The following ZHX3 variants were observed in gnomAD, a reference collection of about 807,000 sequenced individuals.
ZHX3 encodes zinc fingers and homeoboxes protein 3.
In ZHX3, 20 loss-of-function variants were observed where a neutral mutation model predicts 64.5. The observed-to-expected ratio is 0.31, with a 90% CI of 0.22 to 0.45. The LOEUF (loss-of-function observed/expected upper bound fraction) is 0.45, where lower values mean the gene tolerates loss of function less well. ZHX3 is among the 20% of genes least tolerant of loss of function. The probability of loss-of-function intolerance (pLI) is 1.00; values close to 1 mark genes in which losing one functional copy is unlikely to be tolerated. For missense variants in ZHX3, 1,041 were observed against 1,195.8 expected, an observed-to-expected ratio of 0.87 and a Z score of 1.91; for synonymous variants, 423 against 461.6, an observed-to-expected ratio of 0.92 and a Z score of 1.07.
chr20:41,297,716 T>C (rs2044604989), intron 1 of ZHX3, among the ~76,000 whole-genome samples: 1 of 152,184 alleles, frequency 6.6e-6, no homozygotes, highest in South Asian at 2.1e-4. Flanking sequence ...GGTAAGTAAG[T>C]ATGTAAGGCA....
At chr20:41,251,514 A>G (rs1374111454) in intron 2 of ZHX3, among the ~76,000 whole-genome samples, 1 of 152,230 alleles carries the variant, frequency 6.6e-6, no homozygotes. Context: ...CCAGAGAAAG[A>G]CAAGAAAAGA....
At chr20:41,216,568 T>C (rs369359562) in intron 2 of ZHX3, among the ~76,000 whole-genome samples, 2 of 152,336 alleles carry the variant, frequency 1.3e-5, no homozygotes, top group South Asian at 2.1e-4. Context: ...CTCAGTCTTT[T>C]AAACAACTTC....
intron 1 of ZHX3, among the ~76,000 whole-genome samples, chr20:41,294,962 G>A (rs879698560): frequency 6.6e-6 from 1 of 152,130 alleles, no homozygotes; most frequent in Non-Finnish European, 1.5e-5. Flanking sequence ...CTCCCAAAGC[G>A]CTGGGATTAT....
rs145206295 is a variant in ZHX3, at chr20:41,232,570, T to C, written c.-150-27504A>G. Among the ~76,000 whole-genome samples the C allele has an allele frequency of 1.1e-4, 16 of 152,232 alleles. No homozygotes were observed. Among genetic ancestry groups the C allele is most frequent in the East Asian group, 1.9e-4 (1 of 5,176 alleles). ...GAAACACAGCACCCTCTGGTGTACA[T>C]AGCTGTCTTCTAATCTAGGAAAATT... On this transcript the variant is annotated intron_variant, in intron 2 of 3. Coordinates refer to ENST00000683867, the MANE Select transcript of ZHX3 (RefSeq NM_001384317.1). The surrounding 1 kb of genome is among the most constrained non-coding windows in gnomAD (Gnocchi z 5.0).
chr20:41,202,209 C>G lies in ZHX3; in HGVS notation c.2708G>C (p.Gly903Ala). ...AVADTGSEDQ[G>A]PGTGELTAVH... is the part of the protein sequence containing the mutation. ...TGCTGTGAGCTCACCAGTACCAGGGCCCTGGTCCTCACTGCCTGTGTCTGC... is the reference window on the plus strand; with the variant it reads ...TGCTGTGAGCTCACCAGTACCAGGGGCCTGGTCCTCACTGCCTGTGTCTGC... The change falls in exon 3 of 4, where the codon GGC (glycine) becomes GCC (alanine). Residue 903 changes from glycine (G) to alanine (A), a missense_variant. Transcript: ENST00000683867. This position sits in a 1 kb window ranked among gnomAD's most constrained non-coding sequence, Gnocchi z 7.0. 1 of 1,614,136 alleles carries G rather than the reference C, an allele frequency of 6.2e-7. No homozygotes were observed. The highest frequency in any genetic ancestry group is 2.2e-5 in the East Asian group (1 of 44,866).
In ZHX3 at chr20:41,201,522, C is replaced by A; in HGVS notation, c.2860+535G>T. 2.0e-6 allele frequency: 1 copy of A among 492,166 alleles called. No individual in the cohort carries two copies. 30.5% of individuals were successfully genotyped at this position (492,166 alleles called of 1,614,324 possible). On this transcript the variant is annotated intron_variant, in intron 3 of 3. Coordinates refer to ENST00000683867, the MANE Select transcript of ZHX3 (RefSeq NM_001384317.1). The surrounding 1 kb of genome is among the most constrained non-coding windows in gnomAD (Gnocchi z 5.0). ...AGGAACAAAATTCAAGCTTTTGATT[C>A]CATGTATGTCAAAGAAGGAAGGTGA...
At chr20:41,266,712 AT>A (rs1174696102) in intron 2 of ZHX3, among the ~76,000 whole-genome samples, 1 of 149,564 alleles carries the variant, frequency 6.7e-6, no homozygotes, top group Non-Finnish European at 1.5e-5. Flanking sequence ...CGCCCAGCTA[AT>A]TTTTTGTATT....
intron 1 of ZHX3, chr20:41,299,837 T>C (rs2044727906): frequency 8.1e-6 from 1 of 124,178 alleles, no homozygotes; most frequent in African/African-American, 3.2e-5. Context: ...CATTCCAGCC[T>C]GGGCGACAGA....
At position 41,185,281 on chromosome 20, in the gene ZHX3, A is replaced by T; in HGVS notation, c.2861-80T>A. ...CAGGCAGCCTGGTCCTTGCTATACCAGGGTGGCATCACTGGCTTTGAGGAC... is the reference window on the plus strand; with the variant it reads ...CAGGCAGCCTGGTCCTTGCTATACCTGGGTGGCATCACTGGCTTTGAGGAC... On this transcript the variant is annotated intron_variant, in intron 3 of 3. Coordinates refer to ENST00000683867, the MANE Select transcript of ZHX3 (RefSeq NM_001384317.1). The surrounding 1 kb of genome is among the most constrained non-coding windows in gnomAD (Gnocchi z 5.0). 1.3e-6 allele frequency: 2 copies of T among 1,493,928 alleles called. No individual in the cohort carries two copies. The highest frequency in any genetic ancestry group is 1.4e-5 in the African/African-American group (1 of 72,086). 92.5% of individuals were successfully genotyped at this position (1,493,928 alleles called of 1,614,324 possible).
rs913515350 is a variant in ZHX3, at chr20:41,219,006, T to C, written c.-150-13940A>G. Among the ~76,000 whole-genome samples the C allele has an allele frequency of 1.4e-5, 2 of 143,448 alleles. No individual in the cohort carries two copies. The highest frequency in any genetic ancestry group is 2.2e-4 in the East Asian group (1 of 4,572). 94.1% of individuals were successfully genotyped at this position (143,448 alleles called of 152,430 possible). A position where few individuals can be genotyped will look rare whatever the true frequency, so the allele number is the denominator to read the frequency against. On this transcript the variant is annotated intron_variant, in intron 2 of 3. Transcript: ENST00000683867. This position sits in a 1 kb window ranked among gnomAD's most constrained non-coding sequence, Gnocchi z 5.0. ...GTGCAGTGGCGCGATCTCGGCTCAC[T>C]GCAAGCTCCACCTCCCGGGTTCACG...
intron 1 of ZHX3, among the ~76,000 whole-genome samples, chr20:41,290,103 C>A (rs1320782116): frequency 6.6e-6 from 1 of 152,192 alleles, no homozygotes; most frequent in African/African-American, 2.4e-5. Context: ...TTAAAAGTCA[C>A]TAGAACTCCA....
chr20:41,228,324 C>A lies in ZHX3; in HGVS notation c.-150-23258G>T, dbSNP rs902314745. ...CCGTTGACCCTGGCACTCACCCTTC[C>A]AAAAAACGAAACAAGCAAATAAAAA... On this transcript the variant is annotated intron_variant, in intron 2 of 3. Transcript: ENST00000683867. This position sits in a 1 kb window ranked among gnomAD's most constrained non-coding sequence, Gnocchi z 4.6. Among the ~76,000 whole-genome samples, 15 of 152,086 alleles carry A rather than the reference C, an allele frequency of 9.9e-5. No individual in the cohort carries two copies. The highest frequency in any genetic ancestry group is 3.6e-4 in the African/African-American group (15 of 41,404).
At chr20:41,259,259 C>T (rs1046107244) in intron 2 of ZHX3, among the ~76,000 whole-genome samples, 2 of 152,166 alleles carry the variant, frequency 1.3e-5, no homozygotes, top group Admixed American at 6.5e-5. Flanking sequence ...GATCTATAGA[C>T]TCTCATTCTC....
In ZHX3 at chr20:41,202,559, T is replaced by G. The variant is rs1238900680; in HGVS notation, c.2358A>C (p.Thr786=). 2.5e-6 allele frequency: 4 copies of G among 1,613,992 alleles called. No individual in the cohort carries two copies. The highest frequency in any genetic ancestry group is 3.4e-6 in the Non-Finnish European group (4 of 1,180,044). ...CATAGTCCTGGTTGCTTGGCCACTG[T>G]GTCTGGACAAAGAGCTGCCGCAGCA... is the stretch of plus-strand genomic sequence containing the variant. ...RHLLRQLFVQ[T]QWPSNQDYDS... Residue 786 remains threonine, a synonymous_variant, in exon 3 of 4, where the codon ACA becomes ACC. Transcript: ENST00000683867. The surrounding 1 kb of genome is among the most constrained non-coding windows in gnomAD (Gnocchi z 7.0).
At chr20:41,222,514 A>G (rs1458627849) in intron 2 of ZHX3, among the ~76,000 whole-genome samples, 1 of 152,214 alleles carries the variant, frequency 6.6e-6, no homozygotes, top group African/African-American at 2.4e-5. Flanking sequence ...CAATGTTCCC[A>G]ATGAAAAGAC....
intron 1 of ZHX3, among the ~76,000 whole-genome samples, chr20:41,272,498 C>A (rs1173352097): frequency 6.6e-6 from 1 of 152,078 alleles, no homozygotes; most frequent in Non-Finnish European, 1.5e-5. Context: ...CCAAAATGAA[C>A]CTTGTACTCA....
chr20:41,301,622 T>A lies in ZHX3; in HGVS notation c.-245+15887A>T, dbSNP rs529205879. On this transcript the variant is annotated intron_variant, in intron 1 of 3. Transcript: ENST00000683867. ...CTCTGTCCATCGAGGCAGGAGCCTC[T>A]TCATTCCCTCCTGTGTTTGCACAGG... 7.9e-5 allele frequency among the ~76,000 whole-genome samples: 12 copies of A among 152,234 alleles called. No individual in the cohort carries two copies. The South Asian group carries it at 8.3e-4, about 11-fold the overall frequency.
chr20:41,229,809 C>G (rs1202661846), intron 2 of ZHX3, among the ~76,000 whole-genome samples: 2 of 151,824 alleles, frequency 1.3e-5, no homozygotes, highest in African/African-American at 4.8e-5. Context: ...TAGATATTAC[C>G]CCTTTATTAG....
At position 41,203,409 on chromosome 20, in the gene ZHX3, T is replaced by C. The variant is rs749184194; in HGVS notation, c.1508A>G (p.His503Arg). Residue 503 changes from histidine (H) to arginine (R), a missense_variant, in exon 3 of 4, where the codon CAT (histidine) becomes CGT (arginine). By Grantham distance (29) the His-to-Arg change is conservative. Around this residue, in one of 4 missense-constraint regions of ZHX3, gnomAD observed 649 missense variants for 739.8 expected, o/e 0.88. Transcript: ENST00000683867. The surrounding 1 kb of genome is among the most constrained non-coding windows in gnomAD (Gnocchi z 7.1). ...DASIYKNKKSHEQLSALKGSF... is the reference protein window; with the variant it reads ...DASIYKNKKSREQLSALKGSF... ...CCCTTTCAGAGCTGACAGCTGTTCATGAGATTTCTTATTTTTGTAGATGCT... is the reference window on the plus strand; with the variant it reads ...CCCTTTCAGAGCTGACAGCTGTTCACGAGATTTCTTATTTTTGTAGATGCT... The C allele has an allele frequency of 2.5e-6, 4 of 1,612,650 alleles. No individual in the cohort carries two copies. Among genetic ancestry groups the C allele is most frequent in the Non-Finnish European group, 3.4e-6 (4 of 1,178,644 alleles).
Sources: allele counts gnomAD v4.1 joint callset (sites outside exome capture counted in the v4.1 genomes callset), GRCh38; gene constraint gnomAD v4.1.1; regional missense constraint gnomAD v4.1.1; non-coding constraint Gnocchi (gnomAD v3.1); transcripts MANE v1.5; gene names NCBI Gene and HGNC (gene_info 2026-07-23, HGNC 2026-07-21).